The following SRBD1 variants were observed in gnomAD, a reference collection of about 807,000 sequenced individuals.
SRBD1 encodes S1 RNA binding domain 1, also known as S1 RNA-binding domain-containing protein 1.
A neutral mutation model predicts 115.3 loss-of-function variants in SRBD1; 88 were observed. That is an observed-to-expected ratio of 0.76 (90% CI 0.64 to 0.91). The LOEUF is 0.91. Among genes scored for constraint, SRBD1 ranks in the 40% least tolerant of loss-of-function variants. SRBD1 has a pLI of 0.00. For synonymous variants in SRBD1, 509 were observed against 407.7 expected (o/e 1.25, Z -2.99); for missense variants, 1,385 against 1,177.4 (o/e 1.18, Z -2.58).
chr2:45,437,798 C>T (rs1668544523), intron 16 of SRBD1, among the ~76,000 whole-genome samples: 1 of 152,132 alleles, frequency 6.6e-6, no homozygotes, highest in South Asian at 2.1e-4. Context: ...AAACATGAAA[C>T]CATAAAACTA....
At chr2:45,398,135 A>C (rs1371948621) in intron 19 of SRBD1, among the ~76,000 whole-genome samples, 1 of 152,210 alleles carries the variant, frequency 6.6e-6, no homozygotes, top group Non-Finnish European at 1.5e-5. Flanking sequence ...AGAATTATCC[A>C]GTAGAACTTA....
chr2:45,492,824 T>C (rs1394245062), intron 14 of SRBD1, among the ~76,000 whole-genome samples: 2 of 152,252 alleles, frequency 1.3e-5, no homozygotes, highest in Non-Finnish European at 2.9e-5. Flanking sequence ...TGAATCTCTT[T>C]TCTTCCCATT....
intron 15 of SRBD1, among the ~76,000 whole-genome samples, chr2:45,482,042 T>C (rs1022895215): frequency 6.6e-5 from 10 of 152,172 alleles, no homozygotes; most frequent in African/African-American, 9.6e-5. Flanking sequence ...ACGGTGGTGA[T>C]AGTTGTGCAA....
chr2:45,556,448 CTTTTTTTTTTTTT>C (rs59284495), intron 10 of SRBD1, among the ~76,000 whole-genome samples: 5 of 78,822 alleles, frequency 6.3e-5, no homozygotes, highest in Non-Finnish European at 1.1e-4. Flanking sequence ...TGCTCTATTA[CTTTTTTTTTTTTT>C]TTTTTTTTTT....
intron 16 of SRBD1, among the ~76,000 whole-genome samples, chr2:45,429,578 T>G (rs1668268105): frequency 6.6e-6 from 1 of 152,176 alleles, no homozygotes; most frequent in Non-Finnish European, 1.5e-5. Context: ...GAAAAGGCCT[T>G]TGATAAAATT....
chr2:45,492,251 T>A (rs982685220), intron 14 of SRBD1, among the ~76,000 whole-genome samples: 7 of 152,236 alleles, frequency 4.6e-5, no homozygotes, highest in Non-Finnish European at 1.0e-4. Flanking sequence ...TCTCTACAGT[T>A]TACAAGTCTT....
chr2:45,519,590 T>C (rs1366993434), intron 14 of SRBD1, among the ~76,000 whole-genome samples: 3 of 152,236 alleles, frequency 2.0e-5, no homozygotes, highest in African/African-American at 7.2e-5. Context: ...TCTTACATTA[T>C]ATTCTTTACT....
chr2:45,451,163 G>A (rs1016354228), intron 16 of SRBD1, among the ~76,000 whole-genome samples: 2 of 152,032 alleles, frequency 1.3e-5, no homozygotes, highest in African/African-American at 2.4e-5. Flanking sequence ...TCATTAATAT[G>A]AAATTGTTTG....
intron 19 of SRBD1, among the ~76,000 whole-genome samples, chr2:45,409,754 A>G (rs890323585): frequency 6.6e-6 from 1 of 152,008 alleles, no homozygotes; most frequent in Non-Finnish European, 1.5e-5. Context: ...AATTTTAAAA[A>G]CTCCATTTAC....
At chr2:45,399,679 G>C (rs1667241114) in intron 19 of SRBD1, among the ~76,000 whole-genome samples, 1 of 152,036 alleles carries the variant, frequency 6.6e-6, no homozygotes, top group African/African-American at 2.4e-5. Flanking sequence ...TGGCACCCAG[G>C]ACCACTGCCT....
At chr2:45,536,446 A>G (rs570302459) in intron 14 of SRBD1, among the ~76,000 whole-genome samples, 1 of 152,176 alleles carries the variant, frequency 6.6e-6, no homozygotes, top group South Asian at 2.1e-4. Context: ...GTTTTTCTCT[A>G]CTGGAATTAT....
chr2:45,524,986 C>A (rs1484147055), intron 14 of SRBD1, among the ~76,000 whole-genome samples: 1 of 151,922 alleles, frequency 6.6e-6, no homozygotes, highest in Non-Finnish European at 1.5e-5. Context: ...AATAAACACA[C>A]ATGTCTACGG....
In SRBD1 at chr2:45,553,483, C is replaced by A. The variant is rs1042099203; in HGVS notation, c.1517+140G>T. 1.2e-5 allele frequency: 5 copies of A among 427,944 alleles called. No individual in the cohort carries two copies. The South Asian group carries it at 3.0e-4, about 26-fold the overall frequency. 26.5% of individuals were successfully genotyped at this position (427,944 alleles called of 1,614,324 possible). A position where few individuals can be genotyped will look rare whatever the true frequency, so the allele number is the denominator to read the frequency against. ...ATGCATCTACAGATTGAAATCAAGC[C>A]TTAACTTTAACACTTTGTGATGCTG... is the stretch of plus-strand genomic sequence containing the variant. On this transcript the variant is annotated intron_variant, in intron 11 of 20. Coordinates refer to ENST00000263736, the MANE Select transcript of SRBD1 (RefSeq NM_018079.5).
At chr2:45,549,986 A>C (rs1672245916) in intron 12 of SRBD1, among the ~76,000 whole-genome samples, 1 of 152,180 alleles carries the variant, frequency 6.6e-6, no homozygotes, top group South Asian at 2.1e-4. Context: ...TGAAAATCTA[A>C]ACTTAAAAAA....
At chr2:45,541,949 C>T (rs903627300) in intron 14 of SRBD1, among the ~76,000 whole-genome samples, 2 of 152,236 alleles carry the variant, frequency 1.3e-5, no homozygotes, top group African/African-American at 2.4e-5. Context: ...CAGACTCCAC[C>T]CAGAACTGGC....
intron 14 of SRBD1, among the ~76,000 whole-genome samples, chr2:45,502,109 G>C (rs532337274): frequency 6.6e-6 from 1 of 152,318 alleles, no homozygotes; most frequent in South Asian, 2.1e-4. Flanking sequence ...GGAACAATCA[G>C]GCAGCAACAT....
intron 14 of SRBD1, among the ~76,000 whole-genome samples, chr2:45,536,334 G>T (rs1234861233): frequency 6.6e-6 from 1 of 151,190 alleles, no homozygotes; most frequent in Non-Finnish European, 1.5e-5. Context: ...TCTTCTAGGG[G>T]AAAAAAACAT....
chr2:45,519,197 T>C (rs1325129452), intron 14 of SRBD1, among the ~76,000 whole-genome samples: 2 of 152,140 alleles, frequency 1.3e-5, no homozygotes, highest in Non-Finnish European at 2.9e-5. Flanking sequence ...AAATGTTTAG[T>C]TTTTATAGAT....
chr2:45,572,307 A>G (rs1228612311), intron 9 of SRBD1, among the ~76,000 whole-genome samples: 1 of 152,136 alleles, frequency 6.6e-6, no homozygotes, highest in African/African-American at 2.4e-5. Context: ...AATGAATGAA[A>G]TGTTTAATGG....
Sources: allele counts gnomAD v4.1 joint callset (sites outside exome capture counted in the v4.1 genomes callset), GRCh38; gene constraint gnomAD v4.1.1; transcripts MANE v1.5; gene names NCBI Gene and HGNC (gene_info 2026-07-23, HGNC 2026-07-21).